The following EPSTI1 variants were observed in gnomAD, a reference collection of about 807,000 sequenced individuals.
EPSTI1 encodes the protein epithelial stromal interaction 1.
In EPSTI1, 66 loss-of-function variants were observed where a neutral mutation model predicts 49.9. That is an observed-to-expected ratio of 1.32 (90% CI 1.08 to 1.62). The LOEUF (loss-of-function observed/expected upper bound fraction) is 1.62, where lower values mean the gene tolerates loss of function less well. Among genes scored for constraint, EPSTI1 ranks in the 40% most tolerant of loss-of-function variants. The pLI is 0.00. For synonymous variants in EPSTI1, 137 were observed against 130.7 expected, an observed-to-expected ratio of 1.05 and a Z score of -0.33; for missense variants, 394 against 365.5, an observed-to-expected ratio of 1.08 and a Z score of -0.64.
intron 5 of EPSTI1, among the ~76,000 whole-genome samples, chr13:42,958,235 G>T (rs1372149754): frequency 4.6e-5 from 7 of 152,118 alleles, no homozygotes; most frequent in Middle Eastern, 3.2e-3. Context: ...CATCTCCTGG[G>T]GAACATTTTT....
chr13:42,976,214 TATG>T (rs2039879033), intron 1 of EPSTI1, among the ~76,000 whole-genome samples: 1 of 152,208 alleles, frequency 6.6e-6, no homozygotes, highest in Non-Finnish European at 1.5e-5. Flanking sequence ...CCTCCAGTCT[TATG>T]ATGGGCGCAA....
At chr13:42,910,257 C>CT (rs71099807) in intron 8 of EPSTI1, among the ~76,000 whole-genome samples, 41,139 of 97,544 alleles carry the variant, frequency 0.42, 10,054 homozygotes, top group Non-Finnish European at 0.52. Flanking sequence ...TTAACCAAAT[C>CT]TTTTTTTTTT....
intron 6 of EPSTI1, among the ~76,000 whole-genome samples, chr13:42,942,107 T>C (rs1267497097): frequency 2.6e-5 from 4 of 152,214 alleles, no homozygotes; most frequent in Admixed American, 6.5e-5. Context: ...TATCTTTTAT[T>C]GTGTTGAATG....
chr13:42,956,877 T>G (rs2039289900), intron 5 of EPSTI1, among the ~76,000 whole-genome samples: 1 of 152,154 alleles, frequency 6.6e-6, no homozygotes, highest in Non-Finnish European at 1.5e-5. Flanking sequence ...GGAATAATTA[T>G]ATAGGAATGT....
At chr13:42,982,287 T>C (rs969245080) in intron 1 of EPSTI1, among the ~76,000 whole-genome samples, 4 of 152,140 alleles carry the variant, frequency 2.6e-5, no homozygotes, top group Non-Finnish European at 2.9e-5. Context: ...AGTTTACAAA[T>C]GCCATGGCAA....
chr13:42,936,094 T>C (rs2038554022), intron 6 of EPSTI1, among the ~76,000 whole-genome samples: 1 of 152,198 alleles, frequency 6.6e-6, no homozygotes, highest in South Asian at 2.1e-4. Context: ...GTACTCTCCT[T>C]TTAATCATTG....
intron 1 of EPSTI1, among the ~76,000 whole-genome samples, chr13:42,976,952 G>A (rs889792097): frequency 3.3e-5 from 5 of 152,110 alleles, no homozygotes; most frequent in African/African-American, 1.2e-4. Context: ...TTCCTAATTT[G>A]ATTATATATG....
chr13:42,926,480 A>G (rs2038183726), intron 6 of EPSTI1, 51 bp from the exon 7 acceptor site: 2 of 1,007,428 alleles, frequency 2.0e-6, no homozygotes, highest in Non-Finnish European at 3.2e-6. Flanking sequence ...TATGAACATA[A>G]TTCTTTATTT....
At position 42,888,312 on chromosome 13, in the gene EPSTI1, C is replaced by G. The variant is rs745740037; in HGVS notation, c.*182G>C. ...TTAAATATGAGTTCAGGAATCAGCT[C>G]CTCCAAACATGCATAAATGAGGACA... On this transcript the variant is annotated 3_prime_UTR_variant, in exon 11 of 11. Coordinates refer to ENST00000313624, the MANE Select transcript of EPSTI1 (RefSeq NM_033255.5). 1.2e-6 allele frequency: 2 copies of G among 1,613,978 alleles called. No homozygotes were observed. Among genetic ancestry groups the G allele is most frequent in the Non-Finnish European group, 1.7e-6 (2 of 1,180,000 alleles).
At chr13:42,906,326 G>A (rs557646374) in intron 8 of EPSTI1, among the ~76,000 whole-genome samples, 1 of 152,338 alleles carries the variant, frequency 6.6e-6, no homozygotes, top group African/African-American at 2.4e-5. Flanking sequence ...CAAGGTTAGA[G>A]GGAAAACATG....
intron 6 of EPSTI1, among the ~76,000 whole-genome samples, chr13:42,944,106 T>C (rs2038847558): frequency 6.6e-6 from 1 of 152,190 alleles, no homozygotes; most frequent in Non-Finnish European, 1.5e-5. Flanking sequence ...TGGAAGACAG[T>C]GTGGCAATTC....
At chr13:42,971,438 G>C (rs1221034082) in intron 1 of EPSTI1, among the ~76,000 whole-genome samples, 2 of 152,184 alleles carry the variant, frequency 1.3e-5, no homozygotes, top group Non-Finnish European at 2.9e-5. Context: ...CCCAGCCTGT[G>C]AGTCTGTGTG....
At chr13:42,896,799 C>T (rs2037203004) in intron 9 of EPSTI1, among the ~76,000 whole-genome samples, 2 of 152,164 alleles carry the variant, frequency 1.3e-5, no homozygotes, top group African/African-American at 2.4e-5. Flanking sequence ...TTCTCTTCTT[C>T]ACTCACTATA....
At chr13:42,948,555 T>C (rs554144419) in intron 6 of EPSTI1, among the ~76,000 whole-genome samples, 4 of 151,784 alleles carry the variant, frequency 2.6e-5, no homozygotes, top group East Asian at 1.9e-4. Flanking sequence ...TAGCTCACTG[T>C]AACCTCAAAT....
intron 8 of EPSTI1, among the ~76,000 whole-genome samples, chr13:42,911,112 T>C (rs2037659175): frequency 6.6e-6 from 1 of 152,240 alleles, no homozygotes; most frequent in African/African-American, 2.4e-5. Context: ...ATTCCTGGAA[T>C]AAACTCTACT....
intron 5 of EPSTI1, among the ~76,000 whole-genome samples, chr13:42,961,160 G>A (rs1308305538): frequency 6.6e-6 from 1 of 152,164 alleles, no homozygotes; most frequent in Non-Finnish European, 1.5e-5. Context: ...TAGAATATGG[G>A]TGGTAGGGGA....
Position 42,989,998 on chromosome 13 carries a change from T to C in EPSTI1, c.188+1980A>G, listed in dbSNP as rs75862630. The stretch of plus-strand genomic sequence containing the variant: ...GTAGGCAGCTAATTCTACTGAGATA[T>C]TTGCCATTCATTTTCCTTGGTTTTC... On this transcript the variant is annotated intron_variant, in intron 1 of 10. Coordinates refer to ENST00000313624, the MANE Select transcript of EPSTI1 (RefSeq NM_033255.5). Among the ~76,000 whole-genome samples, 1,473 of 152,140 alleles carry C rather than the reference T, an allele frequency of 9.7e-3. 20 individuals are homozygous for C. Among genetic ancestry groups the C allele is most frequent in the African/African-American group, 0.034 (1,398 of 41,480 alleles).
intron 5 of EPSTI1, among the ~76,000 whole-genome samples, chr13:42,955,877 T>TTGGG (rs372278878): frequency 1.2e-4 from 13 of 105,514 alleles, no homozygotes; most frequent in Non-Finnish European, 1.9e-4. Context: ...AAGAAGTATT[T>TTGGG]GGGGGGGGGG....
In EPSTI1 at chr13:42,953,947, C is replaced by G; in HGVS notation, c.563+1G>C. 6.2e-7 allele frequency: 1 copy of G among 1,611,630 alleles called. No homozygotes were observed. Among genetic ancestry groups the G allele is most frequent in the South Asian group, 1.1e-5 (1 of 90,616 alleles). ...ACGAAGTTCTGAAAACATTAACTTA[C>G]TATTGCTGATGCTCTCTAAATGCTT... On this transcript the variant is annotated splice_donor_variant, in intron 6 of 10. Coordinates refer to ENST00000313624, the MANE Select transcript of EPSTI1 (RefSeq NM_033255.5). LOFTEE classifies it high-confidence loss of function.
Sources: gnomAD v4.1 joint callset for allele counts (sites outside exome capture counted in the v4.1 genomes callset) on GRCh38, gnomAD v4.1.1 for gene constraint, MANE v1.5 for transcripts, NCBI Gene and HGNC (gene_info 2026-07-23, HGNC 2026-07-21) for gene names.